The following LRRC41 variants were observed in gnomAD, a reference collection of about 807,000 sequenced individuals.
LRRC41 encodes leucine rich repeat containing 41.
A neutral mutation model predicts 72.1 loss-of-function variants in LRRC41; 17 were observed. The ratio of observed to expected loss-of-function variants is 0.24; its 90% confidence interval spans 0.16 to 0.35. The LOEUF (loss-of-function observed/expected upper bound fraction) is 0.35, where lower values mean the gene tolerates loss of function less well. Among genes scored for constraint, LRRC41 ranks in the 10% least tolerant of loss-of-function variants. LRRC41 has a pLI of 1.00. For missense variants in LRRC41, 759 were observed against 1,065.0 expected (o/e 0.71, Z 4.00); for synonymous variants, 427 against 431.0 (o/e 0.99, Z 0.11).
intron 3 of LRRC41, among the ~76,000 whole-genome samples, chr1:46,293,902 GTAGCTGGGAT>G (rs1557717642): frequency 1.3e-5 from 2 of 151,690 alleles, no homozygotes; most frequent in Non-Finnish European, 2.9e-5. Flanking sequence ...TAATCCCAGA[GTAGCTGGGAT>G]TACAGGCATG....
In LRRC41 at chr1:46,297,552, C is replaced by G. The variant is rs1557718994; in HGVS notation, c.357+11G>C. ...AATCAGGCTAGCATTCTACCTGATACCTTAACTTACTTCCAAACTGGAAGG... is the reference window on the plus strand; with the variant it reads ...AATCAGGCTAGCATTCTACCTGATAGCTTAACTTACTTCCAAACTGGAAGG... On this transcript the variant is annotated intron_variant, in intron 3 of 9. Coordinates refer to ENST00000617190, the MANE Select transcript of LRRC41 (RefSeq NM_006369.5). The G allele has an allele frequency of 5.6e-6, 9 of 1,612,568 alleles. No homozygotes were observed. The South Asian group carries it at 9.9e-5, about 18-fold the overall frequency.
chr1:46,298,436 CATT>C, intron 1 of LRRC41, 66 bp from the exon 2 acceptor site: 1 of 969,030 alleles, frequency 1.0e-6, no homozygotes, highest in Non-Finnish European at 1.6e-6. Flanking sequence ...GGTTTCCAAG[CATT>C]ATTTATTCTA....
chr1:46,278,949 G>A lies in LRRC41; in HGVS notation c.2355C>T (p.Ile785=). ...CATGGCAGGTAGCCCGGAGCCGCCG[G>A]ATGGCTTCCCTGGCTGTGACTGCAT... ...DQDAVTAREA[I]RRLRATCHVV... Residue 785 remains isoleucine, a synonymous_variant, in exon 10 of 10, where the codon ATC becomes ATT. Transcript: ENST00000617190. 6.2e-7 allele frequency: 1 copy of A among 1,613,986 alleles called. No homozygotes were observed.
intron 1 of LRRC41, chr1:46,300,724 C>A: frequency 6.6e-6 from 1 of 152,270 alleles, no homozygotes; most frequent in East Asian, 1.9e-4. Context: ...TTTAAAGTTT[C>A]CTCATTGTAC....
chr1:46,285,444 T>C lies in LRRC41; in HGVS notation c.1413A>G (p.Pro471=). The change falls in exon 4 of 10, where the codon CCA becomes CCG. Residue 471 remains proline, a synonymous_variant. Coordinates refer to ENST00000617190, the MANE Select transcript of LRRC41 (RefSeq NM_006369.5). This position sits in a 1 kb window ranked among gnomAD's most constrained non-coding sequence, Gnocchi z 5.3. ...SISTLELFTV[P]LSTEAALTLC... Reference sequence around the variant, plus strand: ...GTGTCAGGGCTGCCTCTGTGGAGAGTGGAACTGTGAATAGCTCCAAGGTGG... The same window carrying C: ...GTGTCAGGGCTGCCTCTGTGGAGAGCGGAACTGTGAATAGCTCCAAGGTGG... 1 of 1,613,904 alleles carries C rather than the reference T, an allele frequency of 6.2e-7. No homozygotes were observed. The highest frequency in any genetic ancestry group is 8.5e-7 in the Non-Finnish European group (1 of 1,179,966).
intron 3 of LRRC41, among the ~76,000 whole-genome samples, chr1:46,289,791 G>A (rs891787543): frequency 2.0e-5 from 3 of 152,084 alleles, no homozygotes; most frequent in Non-Finnish European, 4.4e-5. Context: ...GCTAAAATTC[G>A]AAGCTGAGAG....
chr1:46,278,555 G>T lies in LRRC41; in HGVS notation c.*310C>A. 3.3e-6 allele frequency: 2 copies of T among 611,376 alleles called. No homozygotes were observed. The highest frequency in any genetic ancestry group is 5.5e-5 in the East Asian group (2 of 36,422). 37.9% of individuals were successfully genotyped at this position (611,376 alleles called of 1,614,324 possible). ...TAAAGCCTGGGTGCCTGCTTGAGGAGGGAAGGCAGGAACCCAGGGGCAGGG... is the reference window on the plus strand; with the variant it reads ...TAAAGCCTGGGTGCCTGCTTGAGGATGGAAGGCAGGAACCCAGGGGCAGGG... On this transcript the variant is annotated 3_prime_UTR_variant, in exon 10 of 10. Coordinates refer to ENST00000617190, the MANE Select transcript of LRRC41 (RefSeq NM_006369.5).
At position 46,279,467 on chromosome 1, in the gene LRRC41, T is replaced by C. The variant is rs1215052259; in HGVS notation, c.2143+25A>G. ...TCAAAGGCCTAGCTCCTTTCCCCTCTCCCTCCCCAGGGTCTGGCCCCCACC... is the reference window on the plus strand; with the variant it reads ...TCAAAGGCCTAGCTCCTTTCCCCTCCCCCTCCCCAGGGTCTGGCCCCCACC... On this transcript the variant is annotated intron_variant, in intron 8 of 9. Coordinates refer to ENST00000617190, the MANE Select transcript of LRRC41 (RefSeq NM_006369.5). This position sits in a 1 kb window ranked among gnomAD's most constrained non-coding sequence, Gnocchi z 4.5. The C allele has an allele frequency of 1.2e-6, 2 of 1,614,030 alleles. No homozygotes were observed. The highest frequency in any genetic ancestry group is 1.7e-5 in the Admixed American group (1 of 60,008).
chr1:46,302,990 C>A lies in LRRC41; in HGVS notation c.199+134G>T. The stretch of plus-strand genomic sequence containing the variant: ...CCTGTCAGTCACAAAATTCATTCTC[C>A]GATCCTACGAGCTGGCTTTCAGCGC... On this transcript the variant is annotated intron_variant, in intron 1 of 9. Transcript: ENST00000617190. This position sits in a 1 kb window ranked among gnomAD's most constrained non-coding sequence, Gnocchi z 4.7. 1 of 1,312,242 alleles carries A rather than the reference C, an allele frequency of 7.6e-7. No homozygotes were observed. The highest frequency in any genetic ancestry group is 9.7e-7 in the Non-Finnish European group (1 of 1,034,270). 81.3% of individuals were successfully genotyped at this position (1,312,242 alleles called of 1,614,324 possible).
chr1:46,283,182 G>A (rs562853855), intron 4 of LRRC41, among the ~76,000 whole-genome samples: 29 of 152,276 alleles, frequency 1.9e-4, no homozygotes, highest in African/African-American at 7.0e-4. Flanking sequence ...ATTTTTCAAA[G>A]GATGCTTGGG....
At chr1:46,282,551 G>A (rs1421024137) in intron 4 of LRRC41, among the ~76,000 whole-genome samples, 2 of 152,178 alleles carry the variant, frequency 1.3e-5, no homozygotes, top group South Asian at 2.1e-4. Flanking sequence ...TACAAAGGAT[G>A]AGTACCTAGT....
At position 46,278,717 on chromosome 1, in the gene LRRC41, G is replaced by A. The variant is rs1326251237; in HGVS notation, c.*148C>T. On this transcript the variant is annotated 3_prime_UTR_variant, in exon 10 of 10. Coordinates refer to ENST00000617190, the MANE Select transcript of LRRC41 (RefSeq NM_006369.5). Reference sequence around the variant, plus strand: ...TTGCTGGGCCTCATCAAGGCCTCCAGGACCTCAGTGCAAGGGAAGAAGGAA... The same window carrying A: ...TTGCTGGGCCTCATCAAGGCCTCCAAGACCTCAGTGCAAGGGAAGAAGGAA... The A allele has an allele frequency of 2.6e-6, 2 of 767,688 alleles. No individual in the cohort carries two copies. The highest frequency in any genetic ancestry group is 4.2e-6 in the Non-Finnish European group (2 of 479,772). The allele number at this position is 767,688 out of a possible 1,614,324, so 47.6% of individuals were successfully genotyped here. A position where few individuals can be genotyped will look rare whatever the true frequency, so the allele number is the denominator to read the frequency against.
intron 2 of LRRC41, 73 bp from the exon 3 acceptor site, chr1:46,297,706 C>T: frequency 8.9e-7 from 1 of 1,121,654 alleles, no homozygotes; most frequent in Non-Finnish European, 1.4e-6. Flanking sequence ...TTCATGTTGT[C>T]TTCTGGGTTC....
Position 46,303,310 on chromosome 1 carries a change from C to T in LRRC41, c.13G>A (p.Glu5Lys). The T allele has an allele frequency of 2.6e-6, 4 of 1,527,718 alleles. No homozygotes were observed. The highest frequency in any genetic ancestry group is 2.5e-5 in the East Asian group (1 of 40,106). 94.6% of individuals were successfully genotyped at this position (1,527,718 alleles called of 1,614,324 possible). Residue 5 changes from glutamate to lysine, a missense_variant, in exon 1 of 10, where the codon GAG (glutamate) becomes AAG (lysine). By Grantham distance (56) the Glu-to-Lys change is moderately conservative. Around this residue, in one of 4 missense-constraint regions of LRRC41, gnomAD observed 106 missense variants for 66.1 expected, o/e 1.60. Transcript: ENST00000617190. MAAPEAWRARSCWFC... is the reference protein window; with the variant it reads MAAPKAWRARSCWFC... ...CAGCAACTCCGGGCGCGCCAGGCCT[C>T]GGGCGCCGCCATCTTGGGGAGGTGC...
intron 3 of LRRC41, among the ~76,000 whole-genome samples, chr1:46,295,003 C>A (rs761057538): frequency 7.9e-5 from 12 of 152,104 alleles, no homozygotes; most frequent in Non-Finnish European, 5.9e-5. Flanking sequence ...TTGGGTAAAT[C>A]TTAATTTATT....
intron 3 of LRRC41, among the ~76,000 whole-genome samples, chr1:46,287,669 C>G (rs1190034277): frequency 6.6e-6 from 1 of 152,200 alleles, no homozygotes; most frequent in African/African-American, 2.4e-5. Flanking sequence ...TTTCCTACAT[C>G]TACCAGAAAT....
Position 46,277,779 on chromosome 1 carries a change from G to T in LRRC41, c.*1086C>A. ...TCCCTTTTTATGAGGATGGCTAAGC[G>T]CTGTATCTTTTGACATTCCCCACCT... On this transcript the variant is annotated 3_prime_UTR_variant, in exon 10 of 10. Transcript: ENST00000617190. 6.4e-7 allele frequency: 1 copy of T among 1,563,252 alleles called. No homozygotes were observed. Among genetic ancestry groups the T allele is most frequent in the Non-Finnish European group, 8.8e-7 (1 of 1,135,460 alleles).
At chr1:46,287,256 C>G (rs975100291) in intron 3 of LRRC41, among the ~76,000 whole-genome samples, 1 of 152,120 alleles carries the variant, frequency 6.6e-6, no homozygotes, top group African/African-American at 2.4e-5. Context: ...CTACAGGCAC[C>G]CGCCACCACG....
In LRRC41 at chr1:46,303,298, C is replaced by T; in HGVS notation, c.25G>A (p.Ala9Thr). 4 of 1,536,086 alleles carry T rather than the reference C, an allele frequency of 2.6e-6. No individual in the cohort carries two copies. The highest frequency in any genetic ancestry group is 2.6e-6 in the Non-Finnish European group (3 of 1,142,280). The change falls in exon 1 of 10, where the codon GCC becomes ACC. Residue 9 changes from alanine (A) to threonine (T), a missense_variant. Ala to Thr is a moderately conservative substitution (Grantham distance 58). Transcript: ENST00000617190. MAAPEAWR[A>T]RSCWFCEVAA... is the part of the protein sequence containing the mutation. The stretch of plus-strand genomic sequence containing the variant: ...ACCTCACAGAACCAGCAACTCCGGG[C>T]GCGCCAGGCCTCGGGCGCCGCCATC...
Sources: allele counts gnomAD v4.1 joint callset (sites outside exome capture counted in the v4.1 genomes callset), GRCh38; gene constraint gnomAD v4.1.1; regional missense constraint gnomAD v4.1.1; non-coding constraint Gnocchi (gnomAD v3.1); transcripts MANE v1.5; gene names NCBI Gene and HGNC (gene_info 2026-07-23, HGNC 2026-07-21).